Variants in SGCZ observed in about 807,000 individuals in gnomAD.
The protein encoded by SGCZ is zeta-sarcoglycan.
Under a neutral mutation model 41.3 loss-of-function variants are expected in SGCZ, and 40 were observed. The ratio of observed to expected loss-of-function variants is 0.97; its 90% confidence interval spans 0.75 to 1.26. The LOEUF is 1.26. Among genes scored for constraint, SGCZ ranks in the 50% most tolerant of loss-of-function variants. The pLI, the probability that SGCZ is intolerant of heterozygous loss-of-function variation, is 0.00. For synonymous variants in SGCZ, 206 were observed against 137.5 expected (o/e 1.50, Z -3.49); for missense variants, 552 against 369.8 (o/e 1.49, Z -4.04).
intron 1 of SGCZ, among the ~76,000 whole-genome samples, chr8:15,030,789 G>A (rs372231894): frequency 6.6e-6 from 1 of 152,092 alleles, no homozygotes; most frequent in African/African-American, 2.4e-5. Flanking sequence ...CAGACGAAGG[G>A]ATACTAACAA....
chr8:14,380,794 G>C (rs530503625), intron 2 of SGCZ, among the ~76,000 whole-genome samples: 3 of 152,274 alleles, frequency 2.0e-5, no homozygotes, highest in East Asian at 1.9e-4. Context: ...AGGAGGCGGA[G>C]CTTGCAGTGA....
chr8:14,770,084 A>G (rs1800186124), intron 1 of SGCZ, among the ~76,000 whole-genome samples: 1 of 150,438 alleles, frequency 6.6e-6, no homozygotes, highest in Non-Finnish European at 1.5e-5. Flanking sequence ...TGTTTTTTCA[A>G]AATGAGGATA....
In SGCZ at chr8:14,133,024, C is replaced by G. The variant is rs28542108; in HGVS notation, c.548-24789G>C. 3.3e-3 allele frequency among the ~76,000 whole-genome samples: 509 copies of G among 152,208 alleles called. 1 individual carries two copies. The highest frequency in any genetic ancestry group is 0.011 in the African/African-American group (477 of 41,548). On this transcript the variant is annotated intron_variant, in intron 5 of 7. Transcript: ENST00000382080. Reference sequence around the variant, plus strand: ...TGTAACAATAAAAAAAACAAGCACACAAACAAAACCAAAATGAATAAAAAA... The same window carrying G: ...TGTAACAATAAAAAAAACAAGCACAGAAACAAAACCAAAATGAATAAAAAA...
intron 1 of SGCZ, among the ~76,000 whole-genome samples, chr8:15,142,620 A>T (rs1490566250): frequency 1.3e-5 from 2 of 151,958 alleles, no homozygotes; most frequent in East Asian, 3.9e-4. Flanking sequence ...AACAATGATG[A>T]CTTCCCATAC....
intron 2 of SGCZ, among the ~76,000 whole-genome samples, chr8:14,472,843 CA>C (rs1304924705): frequency 5.9e-5 from 9 of 151,550 alleles, no homozygotes; most frequent in East Asian, 1.9e-4. Context: ...ATTTCAAAAA[CA>C]AAAAAAGGTT....
chr8:15,182,662 G>T (rs766282805), intron 1 of SGCZ, among the ~76,000 whole-genome samples: 27 of 152,132 alleles, frequency 1.8e-4, no homozygotes, highest in Non-Finnish European at 3.7e-4. Context: ...TCAGTGAGTG[G>T]TGAGTGAATG....
intron 1 of SGCZ, among the ~76,000 whole-genome samples, chr8:14,947,380 G>C (rs1036361370): frequency 1.3e-5 from 2 of 152,136 alleles, no homozygotes; most frequent in Admixed American, 6.5e-5. Context: ...AGAGAACATT[G>C]ATTGGATCTT....
chr8:15,101,489 C>T (rs1806611940), intron 1 of SGCZ, among the ~76,000 whole-genome samples: 2 of 152,134 alleles, frequency 1.3e-5, no homozygotes, highest in African/African-American at 4.8e-5. Flanking sequence ...GGATAAAATA[C>T]TCCATAACAG....
At chr8:15,021,758 T>A (rs569283629) in intron 1 of SGCZ, among the ~76,000 whole-genome samples, 2 of 152,350 alleles carry the variant, frequency 1.3e-5, no homozygotes, top group South Asian at 4.1e-4. Context: ...GGCCTATTCT[T>A]TCTAGCCAAA....
chr8:15,097,900 A>ACG (rs1563124207), intron 1 of SGCZ, among the ~76,000 whole-genome samples: 7 of 120,408 alleles, frequency 5.8e-5, no homozygotes, highest in Non-Finnish European at 1.1e-4. Context: ...ATATATATAT[A>ACG]TATATATATA....
At chr8:14,184,279 T>C (rs1446624893) in intron 4 of SGCZ, among the ~76,000 whole-genome samples, 2 of 152,244 alleles carry the variant, frequency 1.3e-5, no homozygotes, top group Middle Eastern at 3.4e-3. Flanking sequence ...GGAGCTAAAA[T>C]ATTCCCACCC....
In SGCZ at chr8:14,554,794, C is replaced by T. The variant is rs149401406; in HGVS notation, c.172G>A (p.Val58Ile). The change falls in exon 2 of 8, where the codon GTT becomes ATT. Residue 58 changes from valine (V) to isoleucine (I), a missense_variant. Coordinates refer to ENST00000382080, the MANE Select transcript of SGCZ (RefSeq NM_139167.4). ...CLYFFVLLLLVTMIVNLAMTI... is the reference protein window; with the variant it reads ...CLYFFVLLLLITMIVNLAMTI... ...ATGGCTAAGTTAACTATCATGGTAA[C>T]CAACAGCAGAAGGACAAAGAAGTAT... 265 of 1,612,934 alleles carry T rather than the reference C, an allele frequency of 1.6e-4. No homozygotes were observed. Among genetic ancestry groups the T allele is most frequent in the Non-Finnish European group, 2.2e-4 (259 of 1,179,500 alleles).
intron 1 of SGCZ, among the ~76,000 whole-genome samples, chr8:14,870,453 T>G (rs1195127886): frequency 6.6e-6 from 1 of 152,182 alleles, no homozygotes; most frequent in African/African-American, 2.4e-5. Context: ...GATTAAGGAC[T>G]TAAACATAAG....
chr8:14,917,285 C>T (rs1246991557), intron 1 of SGCZ, among the ~76,000 whole-genome samples: 1 of 144,000 alleles, frequency 6.9e-6, no homozygotes, highest in Non-Finnish European at 1.5e-5. Context: ...TTGAAAATTC[C>T]AGTAACAAGT....
intron 1 of SGCZ, among the ~76,000 whole-genome samples, chr8:15,046,724 T>C (rs1270736104): frequency 6.6e-6 from 1 of 151,988 alleles, no homozygotes; most frequent in Non-Finnish European, 1.5e-5. Context: ...TCAGCAGACA[T>C]AGCTAAGATA....
At chr8:15,068,200 G>T (rs534146484) in intron 1 of SGCZ, among the ~76,000 whole-genome samples, 1 of 152,116 alleles carries the variant, frequency 6.6e-6, no homozygotes, top group South Asian at 2.1e-4. Context: ...TCATTCTAAC[G>T]TACCATTTTG....
chr8:14,363,140 T>C (rs1215622621), intron 2 of SGCZ, among the ~76,000 whole-genome samples: 2 of 152,310 alleles, frequency 1.3e-5, no homozygotes, highest in East Asian at 1.9e-4. Flanking sequence ...TTTGCCTTTC[T>C]ACTTCCATAA....
chr8:14,467,880 C>A (rs1019392579), intron 2 of SGCZ, among the ~76,000 whole-genome samples: 5 of 152,170 alleles, frequency 3.3e-5, no homozygotes, highest in Non-Finnish European at 7.4e-5. Context: ...TGAGAGTAAA[C>A]TGCACACATG....
chr8:14,263,546 C>T (rs928975341), intron 3 of SGCZ, among the ~76,000 whole-genome samples: 1 of 151,786 alleles, frequency 6.6e-6, no homozygotes, highest in Admixed American at 6.6e-5. Context: ...GAGATTCTGT[C>T]TCAAAAAATA....
Sources: gnomAD v4.1 joint callset for allele counts (sites outside exome capture counted in the v4.1 genomes callset) on GRCh38, gnomAD v4.1.1 for gene constraint, MANE v1.5 for transcripts, NCBI Gene and HGNC (gene_info 2026-07-23, HGNC 2026-07-21) for gene names.